The following CDK14 variants were observed in gnomAD, a reference collection of about 807,000 sequenced individuals.
CDK14 encodes cyclin dependent kinase 14, also known as cyclin-dependent kinase 14.
A neutral mutation model predicts 60.7 loss-of-function variants in CDK14; 34 were observed. That is an observed-to-expected ratio of 0.56 (90% CI 0.43 to 0.75). The LOEUF (loss-of-function observed/expected upper bound fraction) is 0.75, where lower values mean the gene tolerates loss of function less well. CDK14 is among the 30% of genes least tolerant of loss of function. The pLI is 0.00. For missense variants in CDK14, 482 were observed against 564.1 expected (o/e 0.85, Z 1.47); for synonymous variants, 197 against 203.7 (o/e 0.97, Z 0.28).
chr7:90,678,381 C>T (rs1347992822), intron 2 of CDK14, among the ~76,000 whole-genome samples: 1 of 152,148 alleles, frequency 6.6e-6, no homozygotes, highest in Non-Finnish European at 1.5e-5. Flanking sequence ...GAGAATAAAC[C>T]TGACCCAAAG....
At chr7:91,086,454 C>T (rs893691794) in intron 12 of CDK14, among the ~76,000 whole-genome samples, 5 of 152,154 alleles carry the variant, frequency 3.3e-5, no homozygotes, top group Admixed American at 2.6e-4. Context: ...ACACACAGCT[C>T]TCTACCCTTT....
chr7:91,204,539 T>G (rs1223111837), intron 14 of CDK14, among the ~76,000 whole-genome samples: 1 of 152,160 alleles, frequency 6.6e-6, no homozygotes, highest in Admixed American at 6.5e-5. Flanking sequence ...AACCAGAATG[T>G]GTAAAGAACT....
intron 5 of CDK14, among the ~76,000 whole-genome samples, chr7:90,829,352 C>T (rs1789834239): frequency 6.6e-6 from 1 of 152,076 alleles, no homozygotes; most frequent in Admixed American, 6.6e-5. Flanking sequence ...TCCAAAGTCC[C>T]ATCTGACACA....
At chr7:90,796,513 C>T (rs1277175981) in intron 5 of CDK14, among the ~76,000 whole-genome samples, 2 of 152,094 alleles carry the variant, frequency 1.3e-5, no homozygotes, top group Admixed American at 6.6e-5. Context: ...TAAGACTTTA[C>T]AGTTTAAAAG....
At chr7:90,675,474 CA>C (rs764924751) in intron 2 of CDK14, among the ~76,000 whole-genome samples, 26 of 151,840 alleles carry the variant, frequency 1.7e-4, no homozygotes, top group Non-Finnish European at 3.2e-4. Flanking sequence ...TTGGTAATTG[CA>C]AAGTATCATC....
chr7:90,913,715 G>T lies in CDK14; in HGVS notation c.703-3886G>T, dbSNP rs557060034. ...TGACAAAAGTCTGTCCAGGTGTGTT[G>T]ACAGACTTCAGTCTTTCTTCCTAGG... is the stretch of plus-strand genomic sequence containing the variant. On this transcript the variant is annotated intron_variant, in intron 7 of 14. Transcript: ENST00000380050. Among the ~76,000 whole-genome samples the T allele has an allele frequency of 2.0e-5, 3 of 152,280 alleles. No individual in the cohort carries two copies. In the South Asian group the frequency reaches 6.2e-4, roughly 32 times the overall value.
intron 2 of CDK14, among the ~76,000 whole-genome samples, chr7:90,669,498 A>G (rs962885352): frequency 8.5e-5 from 13 of 152,186 alleles, no homozygotes; most frequent in Non-Finnish European, 1.5e-4. Context: ...AGATACCTAT[A>G]ATTAGTGAGA....
At chr7:90,931,361 T>G (rs554964418) in intron 8 of CDK14, among the ~76,000 whole-genome samples, 3 of 152,324 alleles carry the variant, frequency 2.0e-5, no homozygotes, top group African/African-American at 7.2e-5. Context: ...CATTCTAGAA[T>G]GTGCAAGTTG....
intron 14 of CDK14, among the ~76,000 whole-genome samples, chr7:91,204,631 C>T (rs1312660774): frequency 6.6e-6 from 1 of 152,170 alleles, no homozygotes; most frequent in Non-Finnish European, 1.5e-5. Context: ...AGAAGATATT[C>T]ATATGGCCAA....
intron 10 of CDK14, among the ~76,000 whole-genome samples, chr7:91,008,572 C>T (rs376295001): frequency 1.3e-5 from 2 of 151,830 alleles, no homozygotes; most frequent in Non-Finnish European, 2.9e-5. Flanking sequence ...TTTCTTAAAG[C>T]CTTTAATATC....
Position 91,091,508 on chromosome 7 carries a change from TA to T in CDK14, c.1154+12029del, listed in dbSNP as rs1798824685. On this transcript the variant is annotated intron_variant, in intron 12 of 14. Transcript: ENST00000380050. ...ATATGTAGTTTATATATTTTATATA[TA>T]TATATATAAATTAGCCAGGCATGGT... 2.2e-5 allele frequency among the ~76,000 whole-genome samples: 3 copies of T among 137,360 alleles called. 1 individual carries two copies. The highest frequency in any genetic ancestry group is 8.7e-5 in the African/African-American group (3 of 34,422). 90.1% of individuals were successfully genotyped at this position (137,360 alleles called of 152,430 possible). A position where few individuals can be genotyped will look rare whatever the true frequency, so the allele number is the denominator to read the frequency against.
At chr7:90,832,149 A>G (rs948133181) in intron 5 of CDK14, among the ~76,000 whole-genome samples, 1 of 152,022 alleles carries the variant, frequency 6.6e-6, no homozygotes, top group African/African-American at 2.4e-5. Context: ...TTCACTGGCT[A>G]TTTTTATTTA....
At chr7:90,674,484 G>C (rs905516434) in intron 2 of CDK14, among the ~76,000 whole-genome samples, 2 of 152,194 alleles carry the variant, frequency 1.3e-5, no homozygotes, top group African/African-American at 4.8e-5. Flanking sequence ...AATTTCTGCA[G>C]ATGTAGATAT....
intron 2 of CDK14, among the ~76,000 whole-genome samples, chr7:90,648,361 T>C (rs1436099196): frequency 6.6e-6 from 1 of 152,130 alleles, no homozygotes; most frequent in African/African-American, 2.4e-5. Flanking sequence ...GAGTGAGTAA[T>C]CCAAGCAAGG....
intron 2 of CDK14, among the ~76,000 whole-genome samples, chr7:90,637,500 T>G (rs56702065): frequency 1.3e-5 from 2 of 151,232 alleles, no homozygotes; most frequent in African/African-American, 4.9e-5. Context: ...GTCTGAGAGA[T>G]AGTTTGTTAT....
chr7:90,704,071 C>T (rs1274048950), intron 2 of CDK14, among the ~76,000 whole-genome samples: 1 of 152,142 alleles, frequency 6.6e-6, no homozygotes, highest in Non-Finnish European at 1.5e-5. Context: ...TCAGCCTGGG[C>T]AACAGAGTGA....
At chr7:90,804,748 T>A (rs534173657) in intron 5 of CDK14, among the ~76,000 whole-genome samples, 1 of 152,272 alleles carries the variant, frequency 6.6e-6, no homozygotes, top group South Asian at 2.1e-4. Flanking sequence ...CTGGCTGTTT[T>A]AAATTTGTAA....
intron 10 of CDK14, among the ~76,000 whole-genome samples, chr7:91,002,586 C>T (rs182578267): frequency 1.3e-5 from 2 of 152,266 alleles, no homozygotes; most frequent in South Asian, 2.1e-4. Flanking sequence ...TGAGTATCTA[C>T]TTTATGTCAG....
intron 4 of CDK14, among the ~76,000 whole-genome samples, chr7:90,776,992 G>T (rs1805075879): frequency 6.9e-6 from 1 of 145,650 alleles, no homozygotes; most frequent in African/African-American, 2.6e-5. Context: ...CAATTAGAAA[G>T]CAAAATAGTG....
Sources: allele counts gnomAD v4.1 joint callset (sites outside exome capture counted in the v4.1 genomes callset), GRCh38; gene constraint gnomAD v4.1.1; transcripts MANE v1.5; gene names NCBI Gene and HGNC (gene_info 2026-07-23, HGNC 2026-07-21).